The following EIF1AX variants were observed in gnomAD, a reference collection of about 807,000 sequenced individuals.
EIF1AX encodes the protein eukaryotic translation initiation factor 1A, X-chromosomal.
In EIF1AX, 1 loss-of-function variant was observed where a neutral mutation model predicts 16.1. That is an observed-to-expected ratio of 0.06 (90% CI 0.02 to 0.30). The LOEUF (loss-of-function observed/expected upper bound fraction) is 0.30. Among genes scored for constraint, EIF1AX ranks in the 10% least tolerant of loss-of-function variants. The probability of loss-of-function intolerance (pLI) is 1.00; values close to 1 mark genes in which losing one functional copy is unlikely to be tolerated. For synonymous variants in EIF1AX, 32 were observed against 37.3 expected (o/e 0.86, Z 0.51); for missense variants, 11 against 109.1 (o/e 0.10, Z 4.00).
rs2148605777 is a variant in EIF1AX, at chrX:20,125,621, A to C, written c.*2685T>G. 1 of 166,122 alleles carries C rather than the reference A, an allele frequency of 6.0e-6. No individual in the cohort carries two copies. Among genetic ancestry groups the C allele is most frequent in the African/African-American group, 3.0e-5 (1 of 33,715 alleles). 13.7% of individuals were successfully genotyped at this position (166,122 alleles called of 1,213,427 possible). A position where few individuals can be genotyped will look rare whatever the true frequency, so the allele number is the denominator to read the frequency against. On this transcript the variant is annotated 3_prime_UTR_variant, in exon 7 of 7. Transcript: ENST00000379607. ...TAAGTCTGTATACAAGTAAAGTATA[A>C]ATCTAGCTATTTTACTCAAAACATG... is the stretch of plus-strand genomic sequence containing the variant.
chrX:20,137,948 G>A (rs2067022333), intron 2 of EIF1AX, among the ~76,000 whole-genome samples: 1 of 104,648 alleles, frequency 9.6e-6, no homozygotes, highest in African/African-American at 3.5e-5. Context: ...GAGCCCAGGA[G>A]TTCGAGAATA....
chrX:20,136,251 CACACACACACCAG>C, intron 2 of EIF1AX: 1 of 356,033 alleles, frequency 2.8e-6, no homozygotes, highest in Non-Finnish European at 5.5e-6. Flanking sequence ...ACACACCCCC[CACACACACACCAG>C]ACATATGCCC....
At chrX:20,130,423 T>C in intron 6 of EIF1AX, 93 bp downstream of exon 6, 1 of 923,154 alleles carries the variant, frequency 1.1e-6, no homozygotes, top group Non-Finnish European at 1.4e-6. Context: ...TATTTAAGTG[T>C]CCCATGTTCT....
intron 3 of EIF1AX, 99 bp from the exon 4 acceptor site, chrX:20,134,106 G>T: frequency 1.1e-6 from 1 of 930,585 alleles, no homozygotes; most frequent in Non-Finnish European, 1.5e-6. Context: ...GAGATTTTAG[G>T]CCAGGAGCGG....
rs1193253319 is a variant in EIF1AX at position 20,124,813 on chromosome X, G to A, written c.*3493C>T. 6.8e-6 allele frequency: 1 copy of A among 147,087 alleles called. No homozygotes were observed. The highest frequency in any genetic ancestry group is 1.1e-4 in the East Asian group (1 of 9,227). The allele number at this position is 147,087 out of a possible 1,213,427, so 12.1% of individuals were successfully genotyped here. On this transcript the variant is annotated 3_prime_UTR_variant, in exon 7 of 7. Transcript: ENST00000379607. Reference sequence around the variant, plus strand: ...GTTAGTCTTATGCCAAATTAAATGAGTTTGGTAGCAATTTCAAATACTATG... The same window carrying A: ...GTTAGTCTTATGCCAAATTAAATGAATTTGGTAGCAATTTCAAATACTATG...
At chrX:20,133,703 G>T (rs1008634782) in intron 4 of EIF1AX, among the ~76,000 whole-genome samples, 78 of 111,360 alleles carry the variant, frequency 7.0e-4, no homozygotes, top group Non-Finnish European at 7.5e-4. Context: ...TAGATTTATA[G>T]CACATACCTA....
intron 4 of EIF1AX, among the ~76,000 whole-genome samples, chrX:20,132,987 T>C (rs1251801780): frequency 2.7e-5 from 3 of 111,965 alleles, no homozygotes; most frequent in African/African-American, 9.7e-5. Context: ...GGAGATCTTA[T>C]TAAAATGCAT....
chrX:20,141,275 C>T (rs1392114802), intron 1 of EIF1AX, among the ~76,000 whole-genome samples: 2 of 111,625 alleles, frequency 1.8e-5, no homozygotes, highest in Non-Finnish European at 3.8e-5. Flanking sequence ...CCCGGGAAGG[C>T]CAAAGGGGCC....
intron 2 of EIF1AX, among the ~76,000 whole-genome samples, chrX:20,136,926 G>A (rs73447111): frequency 0.33 from 36,489 of 110,742 alleles, 6,336 homozygotes; most frequent in African/African-American, 0.68. Context: ...TATGTATGGC[G>A]TAATAAATCC....
Position 20,125,594 on chromosome X carries a change from G to T in EIF1AX, c.*2712C>A, listed in dbSNP as rs1433684870. On this transcript the variant is annotated 3_prime_UTR_variant, in exon 7 of 7. Transcript: ENST00000379607. ...GTCAATCCAGTCAATACCGGTTGTTGTTAAGTCTGTATACAAGTAAAGTAT... is the reference window on the plus strand; with the variant it reads ...GTCAATCCAGTCAATACCGGTTGTTTTTAAGTCTGTATACAAGTAAAGTAT... 2 of 167,389 alleles carry T rather than the reference G, an allele frequency of 1.2e-5. No individual in the cohort carries two copies. Among genetic ancestry groups the T allele is most frequent in the Non-Finnish European group, 2.3e-5 (2 of 87,177 alleles). The allele number at this position is 167,389 out of a possible 1,213,427, so 13.8% of individuals were successfully genotyped here. A position where few individuals can be genotyped will look rare whatever the true frequency, so the allele number is the denominator to read the frequency against.
At chrX:20,141,441 G>A (rs1190821197) in intron 1 of EIF1AX, among the ~76,000 whole-genome samples, 184 bp downstream of exon 1, 4 of 111,660 alleles carry the variant, frequency 3.6e-5, no homozygotes, top group Non-Finnish European at 7.5e-5. Context: ...ACCAAACTGG[G>A]CAACAGGAGT....
At chrX:20,130,027 C>T (rs954680611) in intron 6 of EIF1AX, among the ~76,000 whole-genome samples, 1 of 111,169 alleles carries the variant, frequency 9.0e-6, no homozygotes, top group African/African-American at 3.3e-5. Flanking sequence ...TAGGGCCGGG[C>T]ATGGTGGCTC....
chrX:20,128,646 T>G (rs2078666643), intron 6 of EIF1AX, among the ~76,000 whole-genome samples: 1 of 112,077 alleles, frequency 8.9e-6, no homozygotes, highest in Non-Finnish European at 1.9e-5. Context: ...TTCTCCTGAG[T>G]CAATCTGGTT....
intron 5 of EIF1AX, among the ~76,000 whole-genome samples, chrX:20,131,552 G>A (rs1793604754): frequency 9.1e-6 from 1 of 110,295 alleles, no homozygotes; most frequent in South Asian, 3.9e-4. Context: ...TTGAACCTGG[G>A]AGGCAGAGGT....
intron 2 of EIF1AX, among the ~76,000 whole-genome samples, chrX:20,137,572 G>C (rs1389900964): frequency 8.9e-6 from 1 of 112,244 alleles, no homozygotes; most frequent in East Asian, 2.8e-4. Context: ...CGAAATAAAA[G>C]TAACAGGAAA....
At chrX:20,130,411 C>A in intron 6 of EIF1AX, 105 bp downstream of exon 6, 1 of 757,308 alleles carries the variant, frequency 1.3e-6, no homozygotes, top group Non-Finnish European at 1.7e-6. Flanking sequence ...AAAATACAAC[C>A]TTATTTAAGT....
intron 3 of EIF1AX, among the ~76,000 whole-genome samples, chrX:20,134,280 C>A (rs2067009199): frequency 9.0e-6 from 1 of 111,317 alleles, no homozygotes; most frequent in African/African-American, 3.3e-5. Flanking sequence ...CCCAGCTACT[C>A]GGGAGGCTGA....
chrX:20,133,193 G>A, intron 4 of EIF1AX, among the ~76,000 whole-genome samples: 2 of 111,595 alleles, frequency 1.8e-5, no homozygotes, highest in South Asian at 7.5e-4. Context: ...CTATCGAACA[G>A]GAAATTACTT....
chrX:20,139,313 C>T (rs2148609543), intron 1 of EIF1AX, among the ~76,000 whole-genome samples: 1 of 112,047 alleles, frequency 8.9e-6, no homozygotes, highest in Non-Finnish European at 1.9e-5. Context: ...ATTATATGAC[C>T]CCAGTGACCA....
Sources: gnomAD v4.1 joint callset for allele counts (sites outside exome capture counted in the v4.1 genomes callset) on GRCh38, gnomAD v4.1.1 for gene constraint, MANE v1.5 for transcripts, NCBI Gene and HGNC (gene_info 2026-07-23, HGNC 2026-07-21) for gene names.